BCAR3: variants seen among roughly 807,000 people sequenced by gnomAD.
The protein encoded by BCAR3 is breast cancer anti-estrogen resistance protein 3.
A neutral mutation model predicts 80.1 loss-of-function variants in BCAR3; 37 were observed. That is an observed-to-expected ratio of 0.46 (90% CI 0.36 to 0.61). BCAR3 has a LOEUF of 0.61. BCAR3 is among the 20% of genes least tolerant of loss of function. The probability of loss-of-function intolerance (pLI) is 0.00; values close to 1 mark genes in which losing one functional copy is unlikely to be tolerated. For synonymous variants in BCAR3, 389 were observed against 418.9 expected (o/e 0.93, Z 0.87); for missense variants, 978 against 1,068.2 (o/e 0.92, Z 1.18).
At position 93,760,063 on chromosome 1, in the gene BCAR3, A is replaced by C. The variant is rs574882001; in HGVS notation, c.-62-53921T>G. On this transcript the variant is annotated intron_variant, in intron 2 of 13. Coordinates refer to the BCAR3 transcript ENST00000370244. ...ACTTACGTAAACTAGGTGTGAAAGCAGGAACAGGATTCAGATAAAAAAGCA... is the reference window on the plus strand; with the variant it reads ...ACTTACGTAAACTAGGTGTGAAAGCCGGAACAGGATTCAGATAAAAAAGCA... Among the ~76,000 whole-genome samples the C allele has an allele frequency of 5.8e-4, 89 of 152,330 alleles. 1 individual carries two copies. Among genetic ancestry groups the C allele is most frequent in the Non-Finnish European group, 1.0e-3 (71 of 68,028 alleles).
chr1:93,633,003 G>C (rs1675675450), intron 3 of BCAR3, among the ~76,000 whole-genome samples: 1 of 151,914 alleles, frequency 6.6e-6, no homozygotes, highest in African/African-American at 2.4e-5. Context: ...TGGGCAACAA[G>C]AGCGAAACTC....
At chr1:93,819,014 T>G (rs1169549902) in intron 2 of BCAR3, among the ~76,000 whole-genome samples, 1 of 152,184 alleles carries the variant, frequency 6.6e-6, no homozygotes, top group Non-Finnish European at 1.5e-5. Flanking sequence ...TATAATAATG[T>G]TGAGATAGAA....
intron 2 of BCAR3, among the ~76,000 whole-genome samples, chr1:93,835,953 G>C (rs1654751737): frequency 6.6e-6 from 1 of 152,134 alleles, no homozygotes; most frequent in Admixed American, 6.5e-5. Flanking sequence ...TAACGGACCG[G>C]CCTTTATTAG....
At chr1:93,692,157 CT>C (rs1489444957) in intron 3 of BCAR3, among the ~76,000 whole-genome samples, 1 of 152,154 alleles carries the variant, frequency 6.6e-6, no homozygotes, top group Non-Finnish European at 1.5e-5. Flanking sequence ...CGCCGCACAG[CT>C]CGGCATCCAG....
intron 2 of BCAR3, among the ~76,000 whole-genome samples, chr1:93,710,150 GTGGGAAGC>G (rs1369366856): frequency 1.3e-5 from 2 of 152,184 alleles, no homozygotes; most frequent in South Asian, 2.1e-4. Context: ...TGGATAGGGG[GTGGGAAGC>G]TGGGAAGCTG....
At chr1:93,595,477 G>A (rs1674383762) in intron 3 of BCAR3, among the ~76,000 whole-genome samples, 1 of 152,196 alleles carries the variant, frequency 6.6e-6, no homozygotes, top group Non-Finnish European at 1.5e-5. Flanking sequence ...AGATGATGTG[G>A]ACAATGTCTC....
intron 9 of BCAR3, among the ~76,000 whole-genome samples, chr1:93,571,045 A>C (rs2101806799): frequency 6.6e-6 from 1 of 152,206 alleles, no homozygotes; most frequent in Middle Eastern, 3.4e-3. Flanking sequence ...CTCTACTAAA[A>C]ATACAAAAAT....
intron 3 of BCAR3, among the ~76,000 whole-genome samples, chr1:93,687,580 T>C (rs1006238991): frequency 1.3e-5 from 2 of 152,216 alleles, no homozygotes; most frequent in East Asian, 1.9e-4. Flanking sequence ...GTGCTGAGAT[T>C]ACAGGCGTGA....
intron 2 of BCAR3, among the ~76,000 whole-genome samples, chr1:93,673,737 T>G (rs915753558): frequency 1.3e-5 from 2 of 152,162 alleles, no homozygotes; most frequent in Admixed American, 6.5e-5. Context: ...GAGGGAAAAA[T>G]CAATTCTTGT....
chr1:93,589,410 T>A lies in BCAR3; in HGVS notation c.496A>T (p.Asn166Tyr). 1 of 1,610,110 alleles carries A rather than the reference T, an allele frequency of 6.2e-7. No individual in the cohort carries two copies. ...HGRIPRQVSE[N>Y]LVQRDGDFLV... ...AAGTCACCATCTCGCTGCACAAGGT[T>A]TTCAGACACCTTTGGGACAAAAAGG... The change falls in exon 5 of 12, where the codon AAC becomes TAC. Residue 166 changes from asparagine to tyrosine, a missense_variant. By Grantham distance (143) the Asn-to-Tyr change is moderately radical (BLOSUM62 -2). Coordinates refer to ENST00000260502, the MANE Select transcript of BCAR3 (RefSeq NM_003567.4).
chr1:93,617,329 C>G (rs1164524002), intron 3 of BCAR3, among the ~76,000 whole-genome samples: 1 of 152,192 alleles, frequency 6.6e-6, no homozygotes, highest in Non-Finnish European at 1.5e-5. Context: ...TGCTAGGTAC[C>G]TGCTTTTCAC....
intron 2 of BCAR3, among the ~76,000 whole-genome samples, chr1:93,820,045 G>C (rs898536012): frequency 3.3e-5 from 5 of 152,132 alleles, no homozygotes; most frequent in African/African-American, 4.8e-5. Flanking sequence ...GCATTAATTT[G>C]CTTAGGAGCC....
intron 3 of BCAR3, among the ~76,000 whole-genome samples, chr1:93,697,369 G>C (rs1366108252): frequency 2.0e-5 from 3 of 152,212 alleles, no homozygotes; most frequent in African/African-American, 7.2e-5. Context: ...CCCACCTCAG[G>C]CATCCTGAGA....
At chr1:93,636,459 G>A (rs915123620) in intron 3 of BCAR3, among the ~76,000 whole-genome samples, 6 of 151,990 alleles carry the variant, frequency 3.9e-5, no homozygotes, top group African/African-American at 1.5e-4. Flanking sequence ...CCTCACTGCG[G>A]TAGCCTGGAG....
chr1:93,777,535 T>C (rs12749119), intron 2 of BCAR3, among the ~76,000 whole-genome samples: 1 of 147,860 alleles, frequency 6.8e-6, no homozygotes, highest in African/African-American at 2.5e-5. Flanking sequence ...CTTCTTTCCT[T>C]CTCCTCTTCC....
chr1:93,584,326 C>G (rs1210499032), intron 5 of BCAR3, among the ~76,000 whole-genome samples: 1 of 152,180 alleles, frequency 6.6e-6, no homozygotes, highest in Non-Finnish European at 1.5e-5. Flanking sequence ...GTGTTGTGTA[C>G]TCCATCCCCC....
At chr1:93,624,547 A>G (rs1479575368) in intron 3 of BCAR3, among the ~76,000 whole-genome samples, 1 of 152,194 alleles carries the variant, frequency 6.6e-6, no homozygotes, top group African/African-American at 2.4e-5. Flanking sequence ...CAGCTACTGA[A>G]GCACTCATTA....
At chr1:93,781,951 G>A (rs1652775570) in intron 2 of BCAR3, among the ~76,000 whole-genome samples, 1 of 152,180 alleles carries the variant, frequency 6.6e-6, no homozygotes, top group Admixed American at 6.5e-5. Context: ...CTTTCTTGGG[G>A]CAAACAGGAG....
intron 2 of BCAR3, among the ~76,000 whole-genome samples, chr1:93,663,189 T>C (rs2101933495): frequency 6.6e-6 from 1 of 152,348 alleles, no homozygotes; most frequent in Admixed American, 6.5e-5. Context: ...TTGGTTTCTC[T>C]CACAAGCCCC....
Sources: gnomAD v4.1 joint callset for allele counts (sites outside exome capture counted in the v4.1 genomes callset) on GRCh38, gnomAD v4.1.1 for gene constraint, MANE v1.5 for transcripts, NCBI Gene and HGNC (gene_info 2026-07-23, HGNC 2026-07-21) for gene names.